GRID2: variants seen among roughly 807,000 people sequenced by gnomAD.
The protein encoded by GRID2 is glutamate receptor ionotropic, delta-2.
GRID2 carries 33 observed loss-of-function variants against 114.8 expected under a neutral mutation model. The observed-to-expected ratio is 0.29, with a 90% CI of 0.22 to 0.38. GRID2 has a LOEUF of 0.38. GRID2 is among the 10% of genes least tolerant of loss of function. The pLI is 1.00. For missense variants in GRID2, 1,184 were observed against 1,257.7 expected, an observed-to-expected ratio of 0.94 and a Z score of 0.89; for synonymous variants, 505 against 449.9, an observed-to-expected ratio of 1.12 and a Z score of -1.55.
At chr4:93,699,463 A>G (rs1727321584) in intron 14 of GRID2, among the ~76,000 whole-genome samples, 1 of 152,158 alleles carries the variant, frequency 6.6e-6, no homozygotes, top group Admixed American at 6.6e-5. Context: ...TTGTTATGCA[A>G]GAACTATGCT....
intron 9 of GRID2, among the ~76,000 whole-genome samples, chr4:93,403,686 A>G (rs1215353913): frequency 6.6e-6 from 1 of 152,146 alleles, no homozygotes. Flanking sequence ...CTATGACTAC[A>G]AGCCCACTAG....
At chr4:92,741,364 G>A (rs765748599) in intron 2 of GRID2, among the ~76,000 whole-genome samples, 4 of 152,044 alleles carry the variant, frequency 2.6e-5, no homozygotes, top group African/African-American at 9.7e-5. Context: ...CATAAATGTA[G>A]TCCCCCTAAA....
chr4:93,652,286 A>C (rs1722646087), intron 14 of GRID2, among the ~76,000 whole-genome samples: 1 of 152,114 alleles, frequency 6.6e-6, no homozygotes, highest in African/African-American at 2.4e-5. Context: ...ATATCTCGTA[A>C]GAAATCAACC....
chr4:93,307,880 A>G (rs17839076), intron 8 of GRID2, among the ~76,000 whole-genome samples: 1 of 9,978 alleles, frequency 1.0e-4, no homozygotes, highest in African/African-American at 1.2e-3. Context: ...TGCATTTTTA[A>G]TTTTTTCGAG....
At chr4:93,390,994 T>G (rs542076062) in intron 8 of GRID2, among the ~76,000 whole-genome samples, 1 of 152,234 alleles carries the variant, frequency 6.6e-6, no homozygotes, top group African/African-American at 2.4e-5. Flanking sequence ...TGTGATTTTT[T>G]TTCTGACTTT....
intron 2 of GRID2, among the ~76,000 whole-genome samples, chr4:92,618,835 T>C (rs146190239): frequency 2.6e-4 from 40 of 151,880 alleles, no homozygotes; most frequent in African/African-American, 9.2e-4. Context: ...AGGTAATTTA[T>C]TGTCTGTGTA....
chr4:93,559,270 A>T (rs575230899), intron 13 of GRID2, among the ~76,000 whole-genome samples: 1 of 152,360 alleles, frequency 6.6e-6, no homozygotes, highest in African/African-American at 2.4e-5. Flanking sequence ...TCTGTACAGC[A>T]AAATAAACTA....
intron 1 of GRID2, among the ~76,000 whole-genome samples, chr4:92,416,070 T>G (rs1731598988): frequency 6.6e-6 from 1 of 151,950 alleles, no homozygotes; most frequent in Admixed American, 6.6e-5. Flanking sequence ...AATATCTGTT[T>G]ATTTTTTAAT....
At chr4:93,758,268 T>C (rs1215957116) in intron 14 of GRID2, among the ~76,000 whole-genome samples, 1 of 152,246 alleles carries the variant, frequency 6.6e-6, no homozygotes, top group African/African-American at 2.4e-5. Flanking sequence ...ACAGTAATGT[T>C]ATTTTCCCAC....
chr4:93,608,485 C>A (rs1475419382), intron 13 of GRID2, among the ~76,000 whole-genome samples: 1 of 145,660 alleles, frequency 6.9e-6, no homozygotes, highest in African/African-American at 2.6e-5. Context: ...CCACAGTCCC[C>A]AGAGTGTGAT....
chr4:92,721,429 A>T lies in GRID2; in HGVS notation c.244+131143A>T, dbSNP rs926556706. Among the ~76,000 whole-genome samples, 151 of 152,236 alleles carry T rather than the reference A, an allele frequency of 9.9e-4. 1 individual carries two copies. The highest frequency in any genetic ancestry group is 3.6e-3 in the African/African-American group (149 of 41,548). ...TTTCAGTTTTCTGAATTTATTCTCT[A>T]AATTTGTTGTAATTTATAAATAAAG... On this transcript the variant is annotated intron_variant, in intron 2 of 15. Coordinates refer to ENST00000282020, the MANE Select transcript of GRID2 (RefSeq NM_001510.4).
chr4:92,607,588 A>G (rs1284541531), intron 2 of GRID2, among the ~76,000 whole-genome samples: 1 of 151,918 alleles, frequency 6.6e-6, no homozygotes, highest in Non-Finnish European at 1.5e-5. Flanking sequence ...ACGAGTTACA[A>G]CAGACCTGTT....
intron 14 of GRID2, among the ~76,000 whole-genome samples, chr4:93,676,484 A>C (rs1329434978): frequency 6.6e-6 from 1 of 152,186 alleles, no homozygotes; most frequent in African/African-American, 2.4e-5. Context: ...TGACAAAGAC[A>C]TGGCAATCTG....
intron 1 of GRID2, among the ~76,000 whole-genome samples, chr4:92,449,161 C>G (rs2149076563): frequency 6.6e-6 from 1 of 152,072 alleles, no homozygotes; most frequent in East Asian, 1.9e-4. Context: ...TGCTTTAGAT[C>G]TCCATGTCAC....
chr4:93,221,560 G>A (rs1414597813), intron 6 of GRID2, among the ~76,000 whole-genome samples: 3 of 152,152 alleles, frequency 2.0e-5, no homozygotes, highest in Non-Finnish European at 4.4e-5. Context: ...AAGATCATCT[G>A]TACAGAAATT....
At chr4:93,162,830 G>A (rs1389684145) in intron 4 of GRID2, among the ~76,000 whole-genome samples, 5 of 151,826 alleles carry the variant, frequency 3.3e-5, no homozygotes, top group Non-Finnish European at 7.4e-5. Flanking sequence ...AAAGATAATA[G>A]AACACCCAAG....
intron 1 of GRID2, among the ~76,000 whole-genome samples, chr4:92,395,790 T>G (rs1730464722): frequency 6.6e-6 from 1 of 151,860 alleles, no homozygotes; most frequent in South Asian, 2.1e-4. Flanking sequence ...GTGGGATTAT[T>G]CCTATTTCAA....
intron 1 of GRID2, among the ~76,000 whole-genome samples, chr4:93,800,560 C>G (rs998063294): frequency 6.6e-6 from 1 of 152,090 alleles, no homozygotes; most frequent in Non-Finnish European, 1.5e-5. Flanking sequence ...AAAAAGGCCC[C>G]CATTAAATGT....
At chr4:93,026,040 T>A (rs142408350) in intron 2 of GRID2, among the ~76,000 whole-genome samples, 1 of 151,772 alleles carries the variant, frequency 6.6e-6, no homozygotes, top group Non-Finnish European at 1.5e-5. Context: ...AATTTTCTAA[T>A]TCATTTAAAG....
Sources: allele counts gnomAD v4.1 joint callset (sites outside exome capture counted in the v4.1 genomes callset), GRCh38; gene constraint gnomAD v4.1.1; transcripts MANE v1.5; gene names NCBI Gene and HGNC (gene_info 2026-07-23, HGNC 2026-07-21).